Variants in ANO1 observed in about 807,000 individuals in gnomAD.
ANO1 encodes anoctamin 1.
ANO1 carries 59 observed loss-of-function variants against 124.0 expected under a neutral mutation model. The observed-to-expected ratio is 0.48, with a 90% CI of 0.39 to 0.59. The LOEUF (loss-of-function observed/expected upper bound fraction) is 0.59. Among genes scored for constraint, ANO1 ranks in the 20% least tolerant of loss-of-function variants. The probability of loss-of-function intolerance (pLI) is 0.00; values close to 1 mark genes in which losing one functional copy is unlikely to be tolerated. For synonymous variants in ANO1, 529 were observed against 532.0 expected (o/e 0.99, Z 0.08); for missense variants, 1,059 against 1,328.0 (o/e 0.80, Z 3.15).
chr11:70,116,808 C>T (rs1194348746), intron 8 of ANO1, among the ~76,000 whole-genome samples: 1 of 152,222 alleles, frequency 6.6e-6, no homozygotes, highest in Non-Finnish European at 1.5e-5. Flanking sequence ...CCCTTATCTT[C>T]TCGGGACAAT....
chr11:70,019,646 T>C (rs917804868), intron 1 of ANO1, among the ~76,000 whole-genome samples: 4 of 152,210 alleles, frequency 2.6e-5, no homozygotes, highest in African/African-American at 7.2e-5. Flanking sequence ...ACCTCCGCAA[T>C]TGGCAAACAC....
intron 2 of ANO1, among the ~76,000 whole-genome samples, chr11:70,095,024 A>G (rs553654976): frequency 6.6e-6 from 1 of 152,148 alleles, no homozygotes; most frequent in South Asian, 2.1e-4. Context: ...TTGGCCACAT[A>G]GCGAAACCCC....
At chr11:70,100,310 C>T (rs2045216020) in intron 2 of ANO1, among the ~76,000 whole-genome samples, 1 of 152,216 alleles carries the variant, frequency 6.6e-6, no homozygotes, top group Non-Finnish European at 1.5e-5. Context: ...GAAGAAGGGT[C>T]TTCGCAGAGG....
intron 6 of ANO1, among the ~76,000 whole-genome samples, chr11:70,109,954 T>C (rs2045704352): frequency 6.6e-6 from 1 of 152,084 alleles, no homozygotes; most frequent in Admixed American, 6.5e-5. Context: ...CACCTCTAAA[T>C]TCATCCGCAA....
chr11:70,095,423 AAAGAAAAGAAAAG>A (rs1296240049), intron 2 of ANO1, among the ~76,000 whole-genome samples: 3 of 20,750 alleles, frequency 1.4e-4, no homozygotes. Context: ...AGAAAGAAAG[AAAGAAAAGAAAAG>A]AAAGAAAGAG....
intron 1 of ANO1, among the ~76,000 whole-genome samples, chr11:70,022,027 T>A (rs1225117567): frequency 6.6e-6 from 1 of 152,140 alleles, no homozygotes; most frequent in Non-Finnish European, 1.5e-5. Context: ...GTCCTGCTTC[T>A]CCCTGGGGTT....
intron 1 of ANO1, among the ~76,000 whole-genome samples, chr11:70,018,023 G>A (rs1394462322): frequency 6.6e-6 from 1 of 151,976 alleles, no homozygotes; most frequent in Admixed American, 6.6e-5. Flanking sequence ...CATAGTTTGT[G>A]GGGCCCAGTC....
chr11:70,172,369 G>A (rs1164865683), intron 22 of ANO1, among the ~76,000 whole-genome samples: 1 of 151,986 alleles, frequency 6.6e-6, no homozygotes, highest in Non-Finnish European at 1.5e-5. Context: ...AATTTTCAGG[G>A]TGAAAACAAA....
At chr11:70,124,212 C>A in intron 8 of ANO1, 138 bp from the exon 9 acceptor site, 1 of 734,776 alleles carries the variant, frequency 1.4e-6, no homozygotes, top group South Asian at 1.7e-5. Context: ...CGTTCACAGC[C>A]CACACAGCCC....
the ANO1 span, among the ~76,000 whole-genome samples, chr11:69,979,803 T>C: frequency 6.6e-6 from 1 of 152,274 alleles, no homozygotes; most frequent in African/African-American, 2.4e-5. Flanking sequence ...TTGCAACACG[T>C]GGTGAGAACG....
intron 22 of ANO1, among the ~76,000 whole-genome samples, chr11:70,178,323 C>T (rs973668647): frequency 6.6e-6 from 1 of 152,220 alleles, no homozygotes; most frequent in African/African-American, 2.4e-5. Flanking sequence ...CTTTATTCAG[C>T]ATGGGGTGGC....
At chr11:70,152,821 G>A (rs1182802030) in intron 13 of ANO1, among the ~76,000 whole-genome samples, 1 of 152,250 alleles carries the variant, frequency 6.6e-6, no homozygotes, top group African/African-American at 2.4e-5. Context: ...GGACACAGAG[G>A]CCAGATTCGG....
intron 1 of ANO1, among the ~76,000 whole-genome samples, chr11:70,029,099 G>C (rs782373815): frequency 3.3e-5 from 5 of 152,194 alleles, no homozygotes; most frequent in African/African-American, 4.8e-5. Flanking sequence ...TAAGTTTCTT[G>C]AAGGCAGGGC....
chr11:70,186,352 G>GGAAGGA (rs2049120748), intron 25 of ANO1, among the ~76,000 whole-genome samples: 15 of 126,898 alleles, frequency 1.2e-4, no homozygotes, highest in African/African-American at 3.3e-4. Flanking sequence ...GAGGGGGAGG[G>GGAAGGA]AGGAAGGAAG....
intron 16 of ANO1, among the ~76,000 whole-genome samples, chr11:70,159,391 C>T (rs1032223281): frequency 6.6e-6 from 1 of 152,192 alleles, no homozygotes; most frequent in African/African-American, 2.4e-5. Context: ...ACACTGCCAT[C>T]TCAGCAAGGC....
intron 1 of ANO1, among the ~76,000 whole-genome samples, chr11:70,005,656 C>T (rs1426684402): frequency 6.6e-6 from 1 of 152,124 alleles, no homozygotes; most frequent in African/African-American, 2.4e-5. Flanking sequence ...ATTTTATTTC[C>T]TGTGCACGAT....
At chr11:70,058,352 ACT>A (rs1555007204) in intron 1 of ANO1, among the ~76,000 whole-genome samples, 1 of 152,148 alleles carries the variant, frequency 6.6e-6, no homozygotes, top group African/African-American at 2.4e-5. Flanking sequence ...TAAAAACAAC[ACT>A]CTTCATTTAA....
intron 5 of ANO1, 156 bp from the exon 6 acceptor site, chr11:70,108,197 C>A: frequency 1.6e-6 from 1 of 638,754 alleles, no homozygotes. Context: ...GGTCAACCCT[C>A]CCTGAATAAA....
At chr11:70,021,204 A>G (rs1856801558) in intron 1 of ANO1, 1 of 152,214 alleles carries the variant, frequency 6.6e-6, no homozygotes, top group South Asian at 2.1e-4. Context: ...ATTGATCAGC[A>G]AAAAGAGAAA....
Sources: allele counts gnomAD v4.1 joint callset (sites outside exome capture counted in the v4.1 genomes callset), GRCh38; gene constraint gnomAD v4.1.1; transcripts MANE v1.5; gene names NCBI Gene and HGNC (gene_info 2026-07-23, HGNC 2026-07-21).